ADGRF1: variants seen among roughly 807,000 people sequenced by gnomAD.
ADGRF1 encodes the protein G protein-coupled receptor 110.
In ADGRF1, 85 loss-of-function variants were observed where a neutral mutation model predicts 87.2. The ratio of observed to expected loss-of-function variants is 0.97; its 90% CI spans 0.82 to 1.17. The LOEUF (loss-of-function observed/expected upper bound fraction) is 1.17, where lower values mean the gene tolerates loss of function less well. Ranked by LOEUF, ADGRF1 falls within the 50% of genes most tolerant of loss-of-function variation. The pLI, the probability that ADGRF1 is intolerant of heterozygous loss-of-function variation, is 0.00. For missense variants in ADGRF1, 1,169 were observed against 1,077.2 expected (o/e 1.09, Z -1.19); for synonymous variants, 430 against 408.8 (o/e 1.05, Z -0.63).
chr6:47,026,419 C>T (rs977794130), intron 3 of ADGRF1, among the ~76,000 whole-genome samples: 1 of 151,956 alleles, frequency 6.6e-6, no homozygotes, highest in African/African-American at 2.4e-5. Context: ...AGTATAAGAC[C>T]CCTCAATCTC....
At chr6:47,021,871 T>C in intron 6 of ADGRF1, 87 bp downstream of exon 6, 1 of 716,052 alleles carries the variant, frequency 1.4e-6, no homozygotes, top group Non-Finnish European at 2.4e-6. Flanking sequence ...TAATTAAGAA[T>C]ATGTATTAAA....
chr6:47,039,350 T>A (rs1200852508), intron 1 of ADGRF1, among the ~76,000 whole-genome samples: 4 of 152,238 alleles, frequency 2.6e-5, no homozygotes, highest in Non-Finnish European at 5.9e-5. Flanking sequence ...TGACTACACA[T>A]AGGAAATTTA....
chr6:47,032,737 T>C (rs575899176), intron 1 of ADGRF1, among the ~76,000 whole-genome samples: 6 of 152,202 alleles, frequency 3.9e-5, no homozygotes, highest in Non-Finnish European at 8.8e-5. Flanking sequence ...CCCAGAGTGG[T>C]GCCTAGTATT....
chr6:47,031,233 C>T (rs748695438), intron 1 of ADGRF1, among the ~76,000 whole-genome samples: 1 of 152,000 alleles, frequency 6.6e-6, no homozygotes, highest in Non-Finnish European at 1.5e-5. Context: ...ACCTGGCCTG[C>T]ATACTGCTCT....
At chr6:47,018,135 T>G (rs1330356061) in intron 7 of ADGRF1, 1 of 227,530 alleles carries the variant, frequency 4.4e-6, no homozygotes, top group African/African-American at 2.3e-5. Context: ...GAAAACCAAG[T>G]GGAGACTGTC....
Position 47,012,187 on chromosome 6 carries a change from A to T in ADGRF1, c.936T>A (p.Ser312Arg), listed in dbSNP as rs1253146274. ...SLLEELNKNF[S>R]MIVGNATEAA... The stretch of plus-strand genomic sequence containing the variant: ...CCTCAGTGGCATTGCCTACAATCAT[A>T]CTGAAATTCTAGAAGCGAAAATGGT... Residue 312 changes from serine to arginine, a missense_variant, in exon 10 of 15, where the codon AGT (serine) becomes AGA (arginine). Coordinates refer to ENST00000371253, the MANE Select transcript of ADGRF1 (RefSeq NM_153840.4). The T allele has an allele frequency of 6.2e-7, 1 of 1,605,834 alleles. No individual in the cohort carries two copies. Among genetic ancestry groups the T allele is most frequent in the East Asian group, 2.2e-5 (1 of 44,666 alleles).
chr6:47,022,404 C>T (rs971914914), intron 5 of ADGRF1, among the ~76,000 whole-genome samples: 21 of 152,210 alleles, frequency 1.4e-4, no homozygotes, highest in Non-Finnish European at 2.4e-4. Flanking sequence ...AAAAATTAAA[C>T]GATGACCGTA....
At chr6:47,004,697 A>G (rs1266944651) in intron 13 of ADGRF1, among the ~76,000 whole-genome samples, 2 of 152,236 alleles carry the variant, frequency 1.3e-5, no homozygotes, top group Non-Finnish European at 2.9e-5. Context: ...TAGTTTCACA[A>G]CTTCTGGTTC....
chr6:47,005,729 G>T, intron 13 of ADGRF1, 88 bp downstream of exon 13: 1 of 846,246 alleles, frequency 1.2e-6, no homozygotes, highest in Admixed American at 2.3e-5. Context: ...GGTTTACACA[G>T]AAGTTGGCTT....
At chr6:47,014,596 T>C in intron 9 of ADGRF1, 85 bp downstream of exon 9, 14 of 1,547,338 alleles carry the variant, frequency 9.0e-6, no homozygotes, top group Non-Finnish European at 1.2e-5. Context: ...TAGGTATACT[T>C]ACCCTCCACC....
At position 47,009,227 on chromosome 6, in the gene ADGRF1, G is replaced by A. The variant is rs143842451; in HGVS notation, c.2208C>T (p.Asn736=). The A allele has an allele frequency of 1.7e-5, 27 of 1,614,080 alleles. No homozygotes were observed. Among genetic ancestry groups the A allele is most frequent in the Non-Finnish European group, 2.3e-5 (27 of 1,180,042 alleles). The part of the protein sequence containing the change: ...TYKRKDVCWL[N]WSNGSKPLLA... ...GGAGTGGTTTGCTTCCATTGGACCA[G>A]TTAAGCCAACACACATCTTTCCTTT... Residue 736 remains asparagine, a synonymous_variant, in exon 11 of 15, where the codon AAC becomes AAT. Coordinates refer to ENST00000371253, the MANE Select transcript of ADGRF1 (RefSeq NM_153840.4).
chr6:47,023,149 G>T (rs1054715624), intron 5 of ADGRF1, among the ~76,000 whole-genome samples: 2 of 152,156 alleles, frequency 1.3e-5, no homozygotes, highest in African/African-American at 4.8e-5. Flanking sequence ...ATTCATTGAA[G>T]AAATTACATT....
At chr6:47,007,397 T>G (rs1779563254) in intron 11 of ADGRF1, 103 bp from the exon 12 acceptor site, 1 of 677,562 alleles carries the variant, frequency 1.5e-6, no homozygotes, top group African/African-American at 1.8e-5. Context: ...TGAAACTGTT[T>G]TCTTGTCTGT....
chr6:46,999,314 TA>T lies in ADGRF1; in HGVS notation c.*907del, dbSNP rs1321188638. The stretch of plus-strand genomic sequence containing the variant: ...CCAAATTCTCCCTTAATTTCTCTCT[TA>T]CATAGAATTCTGGGAATGGTGAACT... On this transcript the variant is annotated 3_prime_UTR_variant, in exon 15 of 15. Coordinates refer to ENST00000371253, the MANE Select transcript of ADGRF1 (RefSeq NM_153840.4). 1 of 152,230 alleles carries T rather than the reference TA, an allele frequency of 6.6e-6. No individual in the cohort carries two copies. The highest frequency in any genetic ancestry group is 2.4e-5 in the African/African-American group (1 of 41,460). The allele number at this position is 152,230 out of a possible 1,614,324, so 9.4% of individuals were successfully genotyped here. A position where few individuals can be genotyped will look rare whatever the true frequency, so the allele number is the denominator to read the frequency against.
chr6:47,012,095 C>G lies in ADGRF1; in HGVS notation c.1028G>C (p.Gly343Ala), dbSNP rs1239852482. The change falls in exon 10 of 15, where the codon GGG becomes GCG. Residue 343 changes from glycine to alanine, a missense_variant. By Grantham distance (60) the Gly-to-Ala change is moderately conservative (BLOSUM62 0). Transcript: ENST00000371253. Reference protein sequence around the residue: ...IIRQNPSTTVGNLASVVSILS... With the variant: ...IIRQNPSTTVANLASVVSILS... ...AATCGACACCACCGAAGCCAGATTC[C>G]CCACTGTGGTTGATGGGTTTTGCCG... 1 of 1,614,064 alleles carries G rather than the reference C, an allele frequency of 6.2e-7. No individual in the cohort carries two copies.
chr6:47,014,555 T>A, intron 9 of ADGRF1, 126 bp downstream of exon 9: 2 of 1,481,052 alleles, frequency 1.4e-6, no homozygotes, highest in Non-Finnish European at 1.8e-6. Context: ...GATGTCATCC[T>A]TGCTCTTTGC....
In ADGRF1 at chr6:47,016,686, C is replaced by T. The variant is rs748850936; in HGVS notation, c.694G>A (p.Glu232Lys). 24 of 1,612,324 alleles carry T rather than the reference C, an allele frequency of 1.5e-5. No individual in the cohort carries two copies. The highest frequency in any genetic ancestry group is 1.9e-5 in the Non-Finnish European group (22 of 1,178,778). The change falls in exon 8 of 15, where the codon GAG becomes AAG. Residue 232 changes from glutamate to lysine, a missense_variant. By Grantham distance (56) the Glu-to-Lys change is moderately conservative. Transcript: ENST00000371253. ...TTGTGAAGGGCTGTCTTAGCCTTCT[C>T]GGCAACATGTTCAATGGCTGACAGC... ...ELLSAIEHVA[E>K]KAKTALHKLF...
intron 1 of ADGRF1, among the ~76,000 whole-genome samples, chr6:47,035,375 T>C (rs1243602384): frequency 6.6e-6 from 1 of 152,194 alleles, no homozygotes; most frequent in Non-Finnish European, 1.5e-5. Context: ...GTCCAGATAA[T>C]TTGAGCTTCT....
chr6:47,041,706 A>G (rs1237064211), intron 1 of ADGRF1, among the ~76,000 whole-genome samples: 4 of 152,188 alleles, frequency 2.6e-5, no homozygotes, highest in Admixed American at 6.5e-5. Context: ...CTGGATATAT[A>G]TGGATCCAGG....
Sources: gnomAD v4.1 joint callset for allele counts (sites outside exome capture counted in the v4.1 genomes callset) on GRCh38, gnomAD v4.1.1 for gene constraint, MANE v1.5 for transcripts, NCBI Gene and HGNC (gene_info 2026-07-23, HGNC 2026-07-21) for gene names.